EXOC1: variants seen among roughly 807,000 people sequenced by gnomAD.
EXOC1 encodes exocyst complex component 1, also known as SEC3-like 1.
A neutral mutation model predicts 107.7 loss-of-function variants in EXOC1; 67 were observed. That is an observed-to-expected ratio of 0.62 (90% confidence interval 0.51 to 0.76). The LOEUF (loss-of-function observed/expected upper bound fraction) is 0.76, where lower values mean the gene tolerates loss of function less well. EXOC1 is among the 30% of genes least tolerant of loss of function. The pLI is 0.00. For synonymous variants in EXOC1, 348 were observed against 353.5 expected (o/e 0.98, Z 0.17); for missense variants, 833 against 1,055.7 (o/e 0.79, Z 2.92).
chr4:55,876,603 G>T, intron 8 of EXOC1: 1 of 985,246 alleles, frequency 1.0e-6, no homozygotes, highest in Non-Finnish European at 1.2e-6. Context: ...TATACCTTGT[G>T]TATAACATCT....
intron 9 of EXOC1, among the ~76,000 whole-genome samples, chr4:55,879,095 GAAGAGCA>G (rs1723154069): frequency 6.6e-6 from 1 of 152,174 alleles, no homozygotes; most frequent in Non-Finnish European, 1.5e-5. Context: ...TGCACTTGGG[GAAGAGCA>G]AAGTCATTTA....
intron 3 of EXOC1, among the ~76,000 whole-genome samples, chr4:55,861,786 G>A (rs1462028341): frequency 6.6e-6 from 1 of 152,270 alleles, no homozygotes; most frequent in African/African-American, 2.4e-5. Context: ...AGGCGTGGTG[G>A]CTCACGCCTG....
rs1416532472 is a variant in EXOC1 at position 55,888,918 on chromosome 4, A to G, written c.1361A>G (p.Lys454Arg). The change falls in exon 11 of 19, where the codon AAA (lysine) becomes AGA (arginine). Residue 454 changes from lysine to arginine, a missense_variant. This residue lies in a region of EXOC1 where 617 missense variants were observed against 701.3 expected (regional missense o/e 0.88). Coordinates refer to ENST00000381295, the MANE Select transcript of EXOC1 (RefSeq NM_001024924.2). Reference protein sequence around the residue: ...ATLPRKESAVKQETESLHGSS... With the variant: ...ATLPRKESAVRQETESLHGSS... ...CTGCCTCGAAAAGAAAGTGCTGTCA[A>G]ACAGGAAACAGAGAGTGAGTATGCT... 1 of 1,613,740 alleles carries G rather than the reference A, an allele frequency of 6.2e-7. No individual in the cohort carries two copies. Among genetic ancestry groups the G allele is most frequent in the Non-Finnish European group, 8.5e-7 (1 of 1,179,760 alleles).
At chr4:55,888,180 GAGA>G (rs978393287) in intron 10 of EXOC1, among the ~76,000 whole-genome samples, 1 of 152,156 alleles carries the variant, frequency 6.6e-6, no homozygotes, top group African/African-American at 2.4e-5. Flanking sequence ...ATTATAGAGA[GAGA>G]AGTTTTAGAT....
In EXOC1 at chr4:55,862,553, T is replaced by G. The variant is rs74380525; in HGVS notation, c.256-1674T>G. On this transcript the variant is annotated intron_variant, in intron 3 of 18. Transcript: ENST00000381295. Reference sequence around the variant, plus strand: ...TGCCAATACTCTTGTTGTGTTTTTTTGTAAGTAATAATGCAATTACCTTTT... The same window carrying G: ...TGCCAATACTCTTGTTGTGTTTTTTGGTAAGTAATAATGCAATTACCTTTT... Among the ~76,000 whole-genome samples the G allele has an allele frequency of 8.2e-3, 1,244 of 152,338 alleles. 20 individuals are homozygous for G. Among genetic ancestry groups the G allele is most frequent in the African/African-American group, 0.028 (1,176 of 41,580 alleles).
At chr4:55,895,618 TTAGG>T (rs1454489750) in intron 15 of EXOC1, among the ~76,000 whole-genome samples, 4 of 152,212 alleles carry the variant, frequency 2.6e-5, no homozygotes, top group South Asian at 2.1e-4. Flanking sequence ...CAATGAAATG[TTAGG>T]TAGAAGCTGA....
At chr4:55,880,862 C>T (rs574079211) in intron 9 of EXOC1, among the ~76,000 whole-genome samples, 2 of 152,040 alleles carry the variant, frequency 1.3e-5, no homozygotes, top group Non-Finnish European at 2.9e-5. Flanking sequence ...GTGATTTGAG[C>T]TTTTCACAGA....
chr4:55,903,737 A>T (rs929586370), intron 18 of EXOC1, among the ~76,000 whole-genome samples: 2 of 152,284 alleles, frequency 1.3e-5, no homozygotes, highest in East Asian at 3.9e-4. Flanking sequence ...TTAAGCCATT[A>T]TGTCAATGTG....
At chr4:55,887,725 C>CAAA (rs754950176) in intron 10 of EXOC1, among the ~76,000 whole-genome samples, 1 of 97,076 alleles carries the variant, frequency 1.0e-5, no homozygotes, top group Non-Finnish European at 2.2e-5. Context: ...GATCCTGCCT[C>CAAA]AAAAAAAAAA....
intron 5 of EXOC1, chr4:55,868,773 G>A (rs1718271823): frequency 9.1e-6 from 3 of 330,766 alleles, no homozygotes; most frequent in Admixed American, 4.6e-5. Flanking sequence ...GAAGTGACTG[G>A]AGTAAAAACT....
rs1393109073 is a variant in EXOC1, at chr4:55,892,712, G to T, written c.1724+1G>T. The stretch of plus-strand genomic sequence containing the variant: ...GCACACCACTGCCTGTTTCATCTGA[G>T]TATGTCTTTGTTACTATCATTGTTT... On this transcript the variant is annotated splice_donor_variant, in intron 14 of 18. Coordinates refer to ENST00000381295, the MANE Select transcript of EXOC1 (RefSeq NM_001024924.2). LOFTEE classifies it high-confidence loss of function. 1.3e-5 allele frequency: 21 copies of T among 1,613,582 alleles called. No individual in the cohort carries two copies. The highest frequency in any genetic ancestry group is 1.7e-5 in the Non-Finnish European group (20 of 1,179,686).
At chr4:55,871,738 C>A in intron 7 of EXOC1, 111 bp from the exon 8 acceptor site, 2 of 810,208 alleles carry the variant, frequency 2.5e-6, no homozygotes, top group Non-Finnish European at 2.0e-6. Flanking sequence ...AATGAATACA[C>A]CCATAAAACT....
rs1273834729 is a variant in EXOC1, at chr4:55,853,674, A to C, written c.-290A>C. 6.6e-6 allele frequency: 1 copy of C among 152,146 alleles called. No homozygotes were observed. The highest frequency in any genetic ancestry group is 1.5e-5 in the Non-Finnish European group (1 of 68,050). 9.4% of individuals were successfully genotyped at this position (152,146 alleles called of 1,614,324 possible). On this transcript the variant is annotated 5_prime_UTR_variant, in exon 1 of 19. Transcript: ENST00000381295. ...AGTTTGTCACGTGCCCGGATATAGG[A>C]AGTGTTGGGGGAACGGCCGCTTCCC...
intron 9 of EXOC1, chr4:55,882,953 T>C (rs1018430398): frequency 2.6e-5 from 4 of 152,134 alleles, no homozygotes; most frequent in African/African-American, 9.6e-5. Flanking sequence ...AACTTCATAC[T>C]TGGAAAAATA....
chr4:55,863,052 C>T (rs1721622366), intron 3 of EXOC1, among the ~76,000 whole-genome samples: 1 of 152,048 alleles, frequency 6.6e-6, no homozygotes, highest in Non-Finnish European at 1.5e-5. Flanking sequence ...ACGTACATGC[C>T]ACTACACCCG....
chr4:55,870,358 A>G (rs905078238), intron 5 of EXOC1, among the ~76,000 whole-genome samples: 5 of 152,244 alleles, frequency 3.3e-5, no homozygotes, highest in African/African-American at 9.6e-5. Flanking sequence ...AGAATGTGCC[A>G]TTACCAGTGA....
At chr4:55,893,962 G>C (rs1435549509) in intron 15 of EXOC1, among the ~76,000 whole-genome samples, 182 bp downstream of exon 15, 1 of 152,164 alleles carries the variant, frequency 6.6e-6, no homozygotes, top group Non-Finnish European at 1.5e-5. Context: ...ATGCCAGCTA[G>C]TTTCCATTCC....
intron 1 of EXOC1, 97 bp from the exon 2 acceptor site, chr4:55,858,217 C>G: frequency 1.5e-6 from 2 of 1,295,144 alleles, no homozygotes; most frequent in Non-Finnish European, 2.1e-6. Flanking sequence ...TTTTCCTAGG[C>G]TTGTTAACCA....
intron 9 of EXOC1, among the ~76,000 whole-genome samples, chr4:55,880,302 T>C (rs1055490463): frequency 2.6e-5 from 4 of 151,846 alleles, no homozygotes; most frequent in Admixed American, 6.6e-5. Context: ...ATTTTAAAAA[T>C]GCTTTTCAAA....
Sources: gnomAD v4.1 joint callset for allele counts (sites outside exome capture counted in the v4.1 genomes callset) on GRCh38, gnomAD v4.1.1 for gene constraint, gnomAD v4.1.1 regional missense constraint, MANE v1.5 for transcripts, NCBI Gene and HGNC (gene_info 2026-07-23, HGNC 2026-07-21) for gene names.